SH3GL1: variants seen among roughly 807,000 people sequenced by gnomAD.
SH3GL1 encodes SH3 domain containing GRB2 like 1, endophilin A2.
A neutral mutation model predicts 48.8 loss-of-function variants in SH3GL1; 21 were observed. The observed-to-expected ratio is 0.43, with a 90% CI of 0.30 to 0.62. The LOEUF (loss-of-function observed/expected upper bound fraction) is 0.62. SH3GL1 is among the 20% of genes least tolerant of loss of function. SH3GL1 has a pLI of 0.11. For missense variants in SH3GL1, 454 were observed against 503.0 expected, an observed-to-expected ratio of 0.90 and a Z score of 0.93; for synonymous variants, 282 against 217.5, an observed-to-expected ratio of 1.30 and a Z score of -2.61.
chr19:4,381,392 T>C, intron 1 of SH3GL1, among the ~76,000 whole-genome samples: 1 of 109,894 alleles, frequency 9.1e-6, no homozygotes. Flanking sequence ...CCTCTGCCTC[T>C]CTCTGTCCCC....
intron 1 of SH3GL1, among the ~76,000 whole-genome samples, chr19:4,383,218 ATT>A (rs34797481): frequency 2.9e-5 from 4 of 138,566 alleles, no homozygotes; most frequent in Admixed American, 7.1e-5. Flanking sequence ...ACGCCTGGAC[ATT>A]TTTTTTTTTT....
Position 4,362,711 on chromosome 19 carries a change from T to G in SH3GL1, c.754A>C (p.Lys252Gln). The G allele has an allele frequency of 6.2e-7, 1 of 1,613,996 alleles. No individual in the cohort carries two copies. The highest frequency in any genetic ancestry group is 2.2e-5 in the East Asian group (1 of 44,876). The change falls in exon 8 of 10, where the codon AAG becomes CAG. Residue 252 changes from lysine to glutamine, a missense_variant. By Grantham distance (53) the Lys-to-Gln change is moderately conservative. Transcript: ENST00000269886. ...CGGGGCTTGGGCTTATACTCCCGCT[T>G]AGGGCGTGAGGAAGCTTCCCGCATC... The part of the protein sequence containing the change: ...RRMREASSRP[K>Q]REYKPKPREP...
intron 1 of SH3GL1, chr19:4,390,473 CAG>C (rs1013013517): frequency 6.6e-6 from 1 of 150,720 alleles, no homozygotes. Context: ...AAGGGAGAGA[CAG>C]AGAGAAAGAC....
intron 1 of SH3GL1, among the ~76,000 whole-genome samples, chr19:4,379,604 TC>T (rs1973080120): frequency 6.6e-6 from 1 of 152,060 alleles, no homozygotes; most frequent in South Asian, 2.1e-4. Flanking sequence ...TGCATTCCTG[TC>T]TTCCTACCAG....
intron 1 of SH3GL1, among the ~76,000 whole-genome samples, chr19:4,378,196 C>T (rs114803308): frequency 2.8e-3 from 431 of 152,290 alleles, no homozygotes; most frequent in African/African-American, 0.01. Context: ...AGAAGCAGCC[C>T]TGCCCTCGGG....
At chr19:4,380,597 T>C (rs773977256) in intron 1 of SH3GL1, among the ~76,000 whole-genome samples, 1 of 152,160 alleles carries the variant, frequency 6.6e-6, no homozygotes, top group Non-Finnish European at 1.5e-5. Flanking sequence ...GCTCCAGCTC[T>C]TGGACTGGAA....
intron 9 of SH3GL1, 87 bp downstream of exon 9, chr19:4,362,242 G>C: frequency 2.2e-6 from 3 of 1,345,880 alleles, no homozygotes; most frequent in Non-Finnish European, 3.1e-6. Flanking sequence ...GCTTGAGATG[G>C]GCAGAGAACA....
At chr19:4,395,587 T>C (rs1425955903) in intron 1 of SH3GL1, 1 of 152,144 alleles carries the variant, frequency 6.6e-6, no homozygotes, top group Non-Finnish European at 1.5e-5. Context: ...ACAATACGTA[T>C]ATATGATAAA....
intron 1 of SH3GL1, among the ~76,000 whole-genome samples, chr19:4,387,317 T>A (rs1973254325): frequency 1.4e-5 from 2 of 147,808 alleles, no homozygotes; most frequent in African/African-American, 5.0e-5. Flanking sequence ...TTGTTTTTTT[T>A]AGGCAGGGTC....
chr19:4,393,218 G>A (rs1446926860), intron 1 of SH3GL1, among the ~76,000 whole-genome samples: 4 of 151,976 alleles, frequency 2.6e-5, no homozygotes, highest in Non-Finnish European at 5.9e-5. Context: ...GTGAGATTGC[G>A]CCACTGCATT....
At chr19:4,364,866 T>TGTG (rs1972729372) in intron 4 of SH3GL1, among the ~76,000 whole-genome samples, 5 of 97,168 alleles carry the variant, frequency 5.1e-5, no homozygotes, top group African/African-American at 2.1e-4. Context: ...ACCCGGCTAA[T>TGTG]TGTGTGTGTG....
intron 1 of SH3GL1, among the ~76,000 whole-genome samples, chr19:4,377,861 C>G (rs1225758973): frequency 6.6e-6 from 1 of 152,238 alleles, no homozygotes. Flanking sequence ...ACCATCTCCC[C>G]TGCAGCGAGA....
chr19:4,400,517 G>GA lies in SH3GL1; in HGVS notation c.-150_-149insT, dbSNP rs1973506134. On this transcript the variant is annotated 5_prime_UTR_variant, in exon 1 of 10. Transcript: ENST00000269886. This position sits in a 1 kb window ranked among gnomAD's most constrained non-coding sequence, Gnocchi z 4.1. ...CCGCGCCCGCCCCGGCGCCGCCTCA[G>GA]CCGCTCGCGCGCCCGCGCGGCCAGG... 16 of 513,622 alleles carry GA rather than the reference G, an allele frequency of 3.1e-5. 1 individual carries two copies. The South Asian group carries it at 1.2e-3, about 38-fold the overall frequency. The allele number at this position is 513,622 out of a possible 1,614,324, so 31.8% of individuals were successfully genotyped here.
At chr19:4,363,678 G>A (rs1177982786) in intron 6 of SH3GL1, 42 bp downstream of exon 6, 1 of 1,610,760 alleles carries the variant, frequency 6.2e-7, no homozygotes, top group Admixed American at 1.7e-5. Flanking sequence ...GGCCTCCCAA[G>A]GGCATAGGTC....
chr19:4,378,834 G>A (rs1037436908), intron 1 of SH3GL1, among the ~76,000 whole-genome samples: 1 of 152,160 alleles, frequency 6.6e-6, no homozygotes, highest in Admixed American at 6.5e-5. Flanking sequence ...TTTCACCTCC[G>A]CCCCACGACA....
rs751938791 is a variant in SH3GL1 at position 4,367,310 on chromosome 19, C to A, written c.46-316G>T. 1.3e-5 allele frequency among the ~76,000 whole-genome samples: 2 copies of A among 152,328 alleles called. No individual in the cohort carries two copies. Among genetic ancestry groups the A allele is most frequent in the East Asian group, 3.9e-4 (2 of 5,176 alleles). ...TGGGCCACGGTGGAGTCCAGAGCCT[C>A]AGCCTGAGAACACATGGCTCAGAAG... On this transcript the variant is annotated intron_variant, in intron 1 of 9. Transcript: ENST00000269886. The surrounding 1 kb of genome is among the most constrained non-coding windows in gnomAD (Gnocchi z 4.2).
intron 1 of SH3GL1, among the ~76,000 whole-genome samples, chr19:4,384,751 C>T (rs1437443002): frequency 1.3e-5 from 2 of 152,208 alleles, no homozygotes; most frequent in South Asian, 2.1e-4. Flanking sequence ...CACGCAGCTG[C>T]GGATGCGAGT....
At chr19:4,399,580 G>A (rs549229909) in intron 1 of SH3GL1, among the ~76,000 whole-genome samples, 2 of 152,292 alleles carry the variant, frequency 1.3e-5, no homozygotes, top group South Asian at 4.1e-4. Context: ...CGGAGTGGGT[G>A]GAGGCCAGGG....
At chr19:4,362,278 G>T in intron 9 of SH3GL1, 51 bp downstream of exon 9, 6 of 1,569,244 alleles carry the variant, frequency 3.8e-6, no homozygotes, top group East Asian at 2.3e-5. Context: ...CACCCTCCCC[G>T]AATGGCCGAG....
Sources: gnomAD v4.1 joint callset for allele counts (sites outside exome capture counted in the v4.1 genomes callset) on GRCh38, gnomAD v4.1.1 for gene constraint, Gnocchi (gnomAD v3.1) non-coding constraint, MANE v1.5 for transcripts, NCBI Gene and HGNC (gene_info 2026-07-23, HGNC 2026-07-21) for gene names.